The following RCOR1 variants were observed in gnomAD, a reference collection of about 807,000 sequenced individuals.
RCOR1 encodes REST corepressor 1.
A neutral mutation model predicts 64.0 loss-of-function variants in RCOR1; 12 were observed. The ratio of observed to expected loss-of-function variants is 0.19; its 90% CI spans 0.12 to 0.30. The LOEUF is 0.30. Among genes scored for constraint, RCOR1 ranks in the 10% least tolerant of loss-of-function variants. The probability of loss-of-function intolerance (pLI) is 1.00; values close to 1 mark genes in which losing one functional copy is unlikely to be tolerated. For missense variants in RCOR1, 502 were observed against 621.2 expected, an observed-to-expected ratio of 0.81 and a Z score of 2.04; for synonymous variants, 279 against 227.2, an observed-to-expected ratio of 1.23 and a Z score of -2.05.
chr14:102,692,055 AT>A (rs1248678079), intron 3 of RCOR1, among the ~76,000 whole-genome samples: 1 of 152,234 alleles, frequency 6.6e-6, no homozygotes, highest in Non-Finnish European at 1.5e-5. Flanking sequence ...TGTTGGACTT[AT>A]ACGTGTTAGA....
chr14:102,614,224 C>CTTTT (rs5811076), intron 2 of RCOR1, among the ~76,000 whole-genome samples: 1 of 106,160 alleles, frequency 9.4e-6, no homozygotes, highest in East Asian at 2.6e-4. Flanking sequence ...ACATCTGGCT[C>CTTTT]TTTTTTTTTT....
At chr14:102,650,656 G>A (rs1188619640) in intron 2 of RCOR1, among the ~76,000 whole-genome samples, 2 of 152,190 alleles carry the variant, frequency 1.3e-5, no homozygotes, top group Non-Finnish European at 2.9e-5. Context: ...GGACTCTAGA[G>A]AGTAAGTTCA....
intron 2 of RCOR1, chr14:102,629,956 T>G: frequency 3.1e-6 from 3 of 963,876 alleles, no homozygotes; most frequent in Non-Finnish European, 3.7e-6. Context: ...TTACATTATA[T>G]GTGACCTCCT....
At position 102,662,445 on chromosome 14, in the gene RCOR1, T is replaced by C. The variant is rs148982745; in HGVS notation, c.362-19450T>C. On this transcript the variant is annotated intron_variant, in intron 2 of 11. Coordinates refer to ENST00000262241, the MANE Select transcript of RCOR1 (RefSeq NM_015156.4). Reference sequence around the variant, plus strand: ...ACAAGTGTCTTGTTGTCCTCGCTCTTCTTCATGGCAGACTCAGTGGTCAGC... The same window carrying C: ...ACAAGTGTCTTGTTGTCCTCGCTCTCCTTCATGGCAGACTCAGTGGTCAGC... 74 of 548,534 alleles carry C rather than the reference T, an allele frequency of 1.3e-4. No homozygotes were observed. In the East Asian group the frequency reaches 2.2e-3, roughly 16 times the overall value. The allele number at this position is 548,534 out of a possible 1,614,324, so 34.0% of individuals were successfully genotyped here.
chr14:102,727,062 C>T lies in RCOR1; in HGVS notation c.*556C>T, dbSNP rs1250497505. 2 of 152,394 alleles carry T rather than the reference C, an allele frequency of 1.3e-5. No individual in the cohort carries two copies. The highest frequency in any genetic ancestry group is 1.3e-4 in the Admixed American group (2 of 15,280). The allele number at this position is 152,394 out of a possible 1,614,324, so 9.4% of individuals were successfully genotyped here. On this transcript the variant is annotated 3_prime_UTR_variant, in exon 12 of 12. Transcript: ENST00000262241. ...CATAACCTTTATCATGCCAAGCATC[C>T]TGATGCAACTCACATTTCCCTAAAC...
chr14:102,670,128 T>G (rs1342789185), intron 2 of RCOR1, among the ~76,000 whole-genome samples: 1 of 152,142 alleles, frequency 6.6e-6, no homozygotes, highest in Non-Finnish European at 1.5e-5. Context: ...TTTTTATATT[T>G]TTAGTAGAGA....
intron 2 of RCOR1, among the ~76,000 whole-genome samples, chr14:102,606,582 T>C (rs966854683): frequency 2.6e-5 from 4 of 152,032 alleles, no homozygotes; most frequent in African/African-American, 9.7e-5. Flanking sequence ...CTGATTTCTT[T>C]GAGGGTGGTA....
In RCOR1 at chr14:102,593,085, A is replaced by T; in HGVS notation, c.199A>T (p.Asn67Tyr). 1 of 1,459,990 alleles carries T rather than the reference A, an allele frequency of 6.8e-7. No individual in the cohort carries two copies. 90.4% of individuals were successfully genotyped at this position (1,459,990 alleles called of 1,614,324 possible). Residue 67 changes from asparagine (N) to tyrosine (Y), a missense_variant, in exon 1 of 12, where the codon AAT becomes TAT. Around this residue, in one of 2 missense-constraint regions of RCOR1, gnomAD observed 242 missense variants for 204.9 expected, o/e 1.18. Coordinates refer to ENST00000262241, the MANE Select transcript of RCOR1 (RefSeq NM_015156.4). ...CGCCTCAGCCGCCGCCGCCCCCAAT[A>T]ATGGCCAGAATAAAAGTTTGGCGGC... ...AAASAAAAPN[N>Y]GQNKSLAAAA...
chr14:102,595,925 A>T (rs1184452839), intron 2 of RCOR1, among the ~76,000 whole-genome samples: 1 of 151,734 alleles, frequency 6.6e-6, no homozygotes, highest in Non-Finnish European at 1.5e-5. Context: ...AAGGAATCTA[A>T]CTGGTGTAAA....
At chr14:102,715,969 T>C (rs1235642850) in intron 8 of RCOR1, among the ~76,000 whole-genome samples, 5 of 152,208 alleles carry the variant, frequency 3.3e-5, no homozygotes, top group Non-Finnish European at 2.9e-5. Flanking sequence ...CTACCAGTTG[T>C]GACAACAGAA....
At chr14:102,701,409 TA>T in intron 4 of RCOR1, 79 bp downstream of exon 4, 1 of 1,122,150 alleles carries the variant, frequency 8.9e-7, no homozygotes, top group Middle Eastern at 3.0e-4. Context: ...TTCTTCTTTG[TA>T]TTGAGTAGCA....
chr14:102,721,551 T>TA (rs200770605), intron 10 of RCOR1, 174 bp downstream of exon 10: 7,459 of 331,368 alleles, frequency 0.023, 29 homozygotes, highest in African/African-American at 0.039. Flanking sequence ...ACCCTGACTT[T>TA]AAAAAAAAAA....
chr14:102,592,996 CCTG>C lies in RCOR1; in HGVS notation c.112_114del (p.Cys38del), dbSNP rs1893161940. 1.7e-6 allele frequency: 2 copies of C among 1,177,864 alleles called. No homozygotes were observed. The highest frequency in any genetic ancestry group is 3.3e-5 in the African/African-American group (2 of 61,010). The allele number at this position is 1,177,864 out of a possible 1,614,324, so 73.0% of individuals were successfully genotyped here. ...GCCGCCTCCGCCGCCGCCTCGGCCGCCTGCGCCTCGCCAGCCGCCACTGCCGCC... is the reference window on the plus strand; with the variant it reads ...GCCGCCTCCGCCGCCGCCTCGGCCGCCGCCTCGCCAGCCGCCACTGCCGCC... On this transcript the variant is annotated inframe_deletion, in exon 1 of 12. Coordinates refer to ENST00000262241, the MANE Select transcript of RCOR1 (RefSeq NM_015156.4).
chr14:102,644,982 G>T (rs184938807), intron 2 of RCOR1, among the ~76,000 whole-genome samples: 35 of 152,264 alleles, frequency 2.3e-4, no homozygotes, highest in African/African-American at 8.2e-4. Context: ...GCTTTCGGTA[G>T]TTTTGGAGGA....
At chr14:102,682,907 A>G (rs1895334310) in intron 3 of RCOR1, among the ~76,000 whole-genome samples, 3 of 152,148 alleles carry the variant, frequency 2.0e-5, no homozygotes, top group African/African-American at 7.2e-5. Flanking sequence ...CGGAACCCCA[A>G]GTAGTTCACT....
chr14:102,671,890 T>C (rs574772558), intron 2 of RCOR1, among the ~76,000 whole-genome samples: 31 of 152,318 alleles, frequency 2.0e-4, no homozygotes, highest in African/African-American at 7.2e-4. Context: ...CTAATCATCT[T>C]TCTGTCTGGA....
At chr14:102,676,555 G>T (rs1188358177) in intron 2 of RCOR1, among the ~76,000 whole-genome samples, 1 of 53,112 alleles carries the variant, frequency 1.9e-5, no homozygotes, top group African/African-American at 9.3e-5. Context: ...GGGCAGAGGG[G>T]CTCCTCACTT....
rs1356385546 is a variant in RCOR1, at chr14:102,728,135, AG to A, written c.*1632del. The stretch of plus-strand genomic sequence containing the variant: ...GTCAGCTGATTTTCTCTTTAGAAAG[AG>A]GGTCAGCTAGAAACCTAGGTTTTTT... On this transcript the variant is annotated 3_prime_UTR_variant, in exon 12 of 12. Transcript: ENST00000262241. 6.6e-6 allele frequency: 1 copy of A among 152,548 alleles called. No individual in the cohort carries two copies. The highest frequency in any genetic ancestry group is 2.4e-5 in the African/African-American group (1 of 41,420). The allele number at this position is 152,548 out of a possible 1,614,324, so 9.4% of individuals were successfully genotyped here. A position where few individuals can be genotyped will look rare whatever the true frequency, so the allele number is the denominator to read the frequency against.
chr14:102,595,072 A>G (rs189650538), intron 2 of RCOR1, among the ~76,000 whole-genome samples: 7 of 152,324 alleles, frequency 4.6e-5, no homozygotes, highest in Admixed American at 2.0e-4. Context: ...TCAGCTCTGC[A>G]TTGTTAGTAA....
Sources: gnomAD v4.1 joint callset for allele counts (sites outside exome capture counted in the v4.1 genomes callset) on GRCh38, gnomAD v4.1.1 for gene constraint, gnomAD v4.1.1 regional missense constraint, MANE v1.5 for transcripts, NCBI Gene and HGNC (gene_info 2026-07-23, HGNC 2026-07-21) for gene names.